Variants in ACTC1 observed in about 807,000 individuals in gnomAD.
ACTC1 encodes actin, alpha cardiac muscle 1.
ACTC1 carries 10 observed loss-of-function variants against 31.6 expected under a neutral mutation model. The ratio of observed to expected loss-of-function variants is 0.32; its 90% CI spans 0.19 to 0.54. The LOEUF is 0.54. Ranked by LOEUF, ACTC1 falls within the 20% of genes least tolerant of loss-of-function variation. The pLI is 0.95. For synonymous variants in ACTC1, 196 were observed against 185.0 expected (o/e 1.06, Z -0.48); for missense variants, 129 against 506.4 (o/e 0.25, Z 7.15).
In ACTC1 at chr15:34,792,818, T is replaced by C. The variant is rs996174303; in HGVS notation, c.455-249A>G. The stretch of plus-strand genomic sequence containing the variant: ...TCCCGAGGACACTTTCAAATGACCA[T>C]CTTTCTTGTCAGCCACGAGCACATT... On this transcript the variant is annotated intron_variant, in intron 3 of 6. Coordinates refer to ENST00000290378, the MANE Select transcript of ACTC1 (RefSeq NM_005159.5). This position sits in a 1 kb window ranked among gnomAD's most constrained non-coding sequence, Gnocchi z 5.3. 5 of 552,304 alleles carry C rather than the reference T, an allele frequency of 9.1e-6. No individual in the cohort carries two copies. In the African/African-American group the frequency reaches 9.5e-5, roughly 10 times the overall value. The allele number at this position is 552,304 out of a possible 1,614,324, so 34.2% of individuals were successfully genotyped here. A position where few individuals can be genotyped will look rare whatever the true frequency, so the allele number is the denominator to read the frequency against.
At chr15:34,791,885 C>T in intron 5 of ACTC1, 1 of 591,350 alleles carries the variant, frequency 1.7e-6, no homozygotes, top group Non-Finnish European at 3.0e-6. Flanking sequence ...GAGATGAACT[C>T]AGTGTGTCAT....
chr15:34,791,765 G>C, intron 5 of ACTC1: 1 of 401,562 alleles, frequency 2.5e-6, no homozygotes. Context: ...AACTTGGAAA[G>C]TCCAGCTACT....
At position 34,793,578 on chromosome 15, in the gene ACTC1, A is replaced by G. The variant is rs147406641; in HGVS notation, c.130-9T>C. ...ATACCCACCATAACTCCCTATGAGA[A>G]GAAAAAATGAGAAAATCATGCTCTC... On this transcript the variant is annotated splice_polypyrimidine_tract_variant and intron_variant, in intron 2 of 6. Coordinates refer to ENST00000290378, the MANE Select transcript of ACTC1 (RefSeq NM_005159.5). The surrounding 1 kb of genome is among the most constrained non-coding windows in gnomAD (Gnocchi z 4.8). 2.5e-5 allele frequency: 41 copies of G among 1,611,754 alleles called. No homozygotes were observed. In the African/African-American group the frequency reaches 4.7e-4, roughly 18 times the overall value.
chr15:34,792,633 G>A lies in ACTC1; in HGVS notation c.455-64C>T, dbSNP rs1891728344. The A allele has an allele frequency of 8.3e-6, 13 of 1,573,090 alleles. No individual in the cohort carries two copies. The highest frequency in any genetic ancestry group is 2.2e-5 in the East Asian group (1 of 44,604). ...AGGACAACACCACTGCTCTAGCCAC[G>A]GCAAAGCCCGCTTCCAATCTTGGCT... On this transcript the variant is annotated intron_variant, in intron 3 of 6. Transcript: ENST00000290378. This position sits in a 1 kb window ranked among gnomAD's most constrained non-coding sequence, Gnocchi z 5.3.
In ACTC1 at chr15:34,792,913, AC is replaced by A; in HGVS notation, c.454+331del. 3.9e-6 allele frequency: 2 copies of A among 509,026 alleles called. No homozygotes were observed. Among genetic ancestry groups the A allele is most frequent in the East Asian group, 3.6e-5 (1 of 27,552 alleles). The allele number at this position is 509,026 out of a possible 1,614,324, so 31.5% of individuals were successfully genotyped here. On this transcript the variant is annotated intron_variant, in intron 3 of 6. Coordinates refer to ENST00000290378, the MANE Select transcript of ACTC1 (RefSeq NM_005159.5). This position sits in a 1 kb window ranked among gnomAD's most constrained non-coding sequence, Gnocchi z 5.3. ...CACGTTTCTCTCTCTTTTGACTCAG[AC>A]CCTGTATGGAATGTATTCTCCTTGG...
Position 34,793,543 on chromosome 15 carries a change from C to T in ACTC1, c.156G>A (p.Lys52=). ...GGGCTTCATCACCTACGTAGGAGTC[C>T]TTCTGACCCATACCCACCATAACTC... ...HQGVMVGMGQ[K]DSYVGDEAQS... Residue 52 remains lysine, a synonymous_variant, in exon 3 of 7, where the codon AAG becomes AAA. Transcript: ENST00000290378. This position sits in a 1 kb window ranked among gnomAD's most constrained non-coding sequence, Gnocchi z 4.8. 6.2e-7 allele frequency: 1 copy of T among 1,614,064 alleles called. No individual in the cohort carries two copies.
chr15:34,792,627 A>G lies in ACTC1; in HGVS notation c.455-58T>C, dbSNP rs996113833. ...TTCCTGAGGACAACACCACTGCTCTAGCCACGGCAAAGCCCGCTTCCAATC... is the reference window on the plus strand; with the variant it reads ...TTCCTGAGGACAACACCACTGCTCTGGCCACGGCAAAGCCCGCTTCCAATC... On this transcript the variant is annotated intron_variant, in intron 3 of 6. Transcript: ENST00000290378. This position sits in a 1 kb window ranked among gnomAD's most constrained non-coding sequence, Gnocchi z 5.3. The G allele has an allele frequency of 7.5e-6, 12 of 1,595,918 alleles. No homozygotes were observed. In the African/African-American group the frequency reaches 1.6e-4, roughly 21 times the overall value.
chr15:34,791,169 G>C lies in ACTC1; in HGVS notation c.935C>G (p.Ala312Gly). ...AGTGATTTCCTTCTGCATACGATCA[G>C]CAATACCAGGGTACATAGTGGTGCC... ...SGGTTMYPGI[A>G]DRMQKEITAL... Residue 312 changes from alanine (A) to glycine (G), a missense_variant, in exon 6 of 7, where the codon GCT becomes GGT. By Grantham distance (60) the Ala-to-Gly change is moderately conservative (BLOSUM62 0). Coordinates refer to ENST00000290378, the MANE Select transcript of ACTC1 (RefSeq NM_005159.5). 1 of 1,613,042 alleles carries C rather than the reference G, an allele frequency of 6.2e-7. No homozygotes were observed. Among genetic ancestry groups the C allele is most frequent in the Non-Finnish European group, 8.5e-7 (1 of 1,179,134 alleles).
chr15:34,794,324 T>C (rs1891769225), intron 2 of ACTC1, among the ~76,000 whole-genome samples: 1 of 152,106 alleles, frequency 6.6e-6, no homozygotes, highest in Admixed American at 6.5e-5. Flanking sequence ...GGAGAGGTGA[T>C]ATTGTTAGAA....
chr15:34,791,336 CA>C, intron 5 of ACTC1, 41 bp from the exon 6 acceptor site: 1 of 1,225,864 alleles, frequency 8.2e-7, no homozygotes, highest in Middle Eastern at 2.2e-4. Context: ...CACACACACA[CA>C]CACACACACA....
intron 6 of ACTC1, 143 bp from the exon 7 acceptor site, chr15:34,790,698 G>C: frequency 1.2e-6 from 1 of 855,910 alleles, no homozygotes; most frequent in Non-Finnish European, 1.9e-6. Context: ...GAAATAATGT[G>C]GCCAATCAAG....
intron 1 of ACTC1, 112 bp downstream of exon 1, chr15:34,795,394 G>A (rs1342592683): frequency 1.3e-5 from 2 of 152,774 alleles, no homozygotes; most frequent in African/African-American, 4.8e-5. Context: ...GCAGGAGCTG[G>A]GGCCTTGGCT....
Position 34,790,453 on chromosome 15 carries a change from C to T in ACTC1, c.1093G>A (p.Asp365Asn), listed in dbSNP as rs2140428952. The stretch of plus-strand genomic sequence containing the variant: ...TGGACAATGGATGGGCCTGCCTCAT[C>T]GTACTCTTGCTTGCTAATCCACATT... The part of the protein sequence containing the change: ...QQMWISKQEY[D>N]EAGPSIVHRK... The change falls in exon 7 of 7, where the codon GAT becomes AAT. Residue 365 changes from aspartate to asparagine, a missense_variant. By Grantham distance (23) the Asp-to-Asn change is conservative (BLOSUM62 1). This residue lies in a region of ACTC1 where 44 missense variants were observed against 127.4 expected (regional missense o/e 0.35). Coordinates refer to ENST00000290378, the MANE Select transcript of ACTC1 (RefSeq NM_005159.5). The T allele has an allele frequency of 3.1e-6, 5 of 1,614,134 alleles. No homozygotes were observed. The highest frequency in any genetic ancestry group is 4.2e-6 in the Non-Finnish European group (5 of 1,180,010).
intron 5 of ACTC1, 93 bp from the exon 6 acceptor site, chr15:34,791,388 A>G: frequency 6.6e-7 from 1 of 1,520,238 alleles, no homozygotes; most frequent in South Asian, 1.1e-5. Flanking sequence ...GAGGGAAGAG[A>G]ACAGAACTTC....
In ACTC1 at chr15:34,790,559, C is replaced by A; in HGVS notation, c.991-4G>T. The A allele has an allele frequency of 1.2e-6, 2 of 1,613,424 alleles. No homozygotes were observed. The highest frequency in any genetic ancestry group is 8.5e-7 in the Non-Finnish European group (1 of 1,179,668). On this transcript the variant is annotated splice_region_variant and splice_polypyrimidine_tract_variant and intron_variant, in intron 6 of 6. Transcript: ENST00000290378. Reference sequence around the variant, plus strand: ...TACGCTCAGGGGGAGCAATAATCTGCAGAAAGAAAACAAAAACTTCCAGTG... The same window carrying A: ...TACGCTCAGGGGGAGCAATAATCTGAAGAAAGAAAACAAAAACTTCCAGTG...
At position 34,791,905 on chromosome 15, in the gene ACTC1, T is replaced by C. The variant is rs3729757; in HGVS notation, c.808+185A>G. The C allele has an allele frequency of 6.2e-3, 3,829 of 620,240 alleles. 105 individuals carry two copies. The highest frequency in any genetic ancestry group is 0.058 in the African/African-American group (3,134 of 54,256). 38.4% of individuals were successfully genotyped at this position (620,240 alleles called of 1,614,324 possible). ...GAACTCAGTGTGTCATCCTTTATTA[T>C]ATCACTAGAGCAGAACATAGACTTC... On this transcript the variant is annotated intron_variant, in intron 5 of 6. Coordinates refer to ENST00000290378, the MANE Select transcript of ACTC1 (RefSeq NM_005159.5).
rs730880408 is a variant in ACTC1 at position 34,794,799 on chromosome 15, C to T, written c.10G>A (p.Asp4Asn). The T allele has an allele frequency of 6.2e-7, 1 of 1,613,420 alleles. No individual in the cohort carries two copies. ...CACACCAGGGCGGTGGTCTCCTCGT[C>T]GTCACACATCTTGGCACAGCTTCAG... MCD[D>N]EETTALVCDN... The change falls in exon 2 of 7, where the codon GAC becomes AAC. Residue 4 changes from aspartate (D) to asparagine (N), a missense_variant. Coordinates refer to ENST00000290378, the MANE Select transcript of ACTC1 (RefSeq NM_005159.5).
At chr15:34,790,678 G>T in intron 6 of ACTC1, 123 bp from the exon 7 acceptor site, 1 of 1,073,010 alleles carries the variant, frequency 9.3e-7, no homozygotes, top group Non-Finnish European at 1.4e-6. Flanking sequence ...TGTGGGATAT[G>T]TCATACCACG....
chr15:34,790,894 T>C (rs2140429330), intron 6 of ACTC1, among the ~76,000 whole-genome samples: 1 of 152,306 alleles, frequency 6.6e-6, no homozygotes, highest in Middle Eastern at 3.4e-3. Flanking sequence ...GTGTGTCTTT[T>C]TTTTGTCAAA....
Sources: allele counts gnomAD v4.1 joint callset (sites outside exome capture counted in the v4.1 genomes callset), GRCh38; gene constraint gnomAD v4.1.1; regional missense constraint gnomAD v4.1.1; non-coding constraint Gnocchi (gnomAD v3.1); transcripts MANE v1.5; gene names NCBI Gene and HGNC (gene_info 2026-07-23, HGNC 2026-07-21).